Variants in IQUB observed in about 807,000 individuals in gnomAD.
IQUB encodes the protein IQ motif and ubiquitin-like domain-containing protein.
IQUB carries 86 observed loss-of-function variants against 86.4 expected under a neutral mutation model. That is an observed-to-expected ratio of 1.00 (90% CI 0.84 to 1.19). The LOEUF is 1.19. IQUB is among the 50% of genes most tolerant of loss of function. The pLI is 0.00. For synonymous variants in IQUB, 289 were observed against 304.5 expected (o/e 0.95, Z 0.53); for missense variants, 946 against 916.9 (o/e 1.03, Z -0.41).
At chr7:123,512,952 TA>T (rs1227291383) in intron 1 of IQUB, among the ~76,000 whole-genome samples, 2 of 152,218 alleles carry the variant, frequency 1.3e-5, no homozygotes, top group African/African-American at 2.4e-5. Context: ...TGGGCCAGGA[TA>T]GTCCAAGGCA....
intron 3 of IQUB, among the ~76,000 whole-genome samples, chr7:123,509,124 CATT>C (rs1796310753): frequency 6.6e-6 from 1 of 152,004 alleles, no homozygotes; most frequent in Non-Finnish European, 1.5e-5. Flanking sequence ...TTTGTGGCAT[CATT>C]ATAAGTCAAT....
chr7:123,515,253 GC>G (rs1006995971), intron 1 of IQUB, among the ~76,000 whole-genome samples: 3 of 152,040 alleles, frequency 2.0e-5, no homozygotes, highest in African/African-American at 7.2e-5. Flanking sequence ...CCCCAAACTA[GC>G]CAAGATGGTA....
At chr7:123,468,079 T>C (rs1402131295) in intron 9 of IQUB, among the ~76,000 whole-genome samples, 1 of 152,158 alleles carries the variant, frequency 6.6e-6, no homozygotes, top group Admixed American at 6.5e-5. Flanking sequence ...ACCCAGGTAA[T>C]GGGCATTTCT....
chr7:123,454,327 G>A (rs974456582), intron 12 of IQUB, among the ~76,000 whole-genome samples: 1 of 151,986 alleles, frequency 6.6e-6, no homozygotes, highest in African/African-American at 2.4e-5. Context: ...TATGATATAT[G>A]TGTTCAAGGC....
chr7:123,505,342 G>A (rs1006380894), intron 3 of IQUB, among the ~76,000 whole-genome samples: 7 of 152,188 alleles, frequency 4.6e-5, no homozygotes, highest in Admixed American at 3.3e-4. Context: ...TGCCACAGTG[G>A]GCACTCTGTG....
chr7:123,493,743 G>A (rs1795588274), intron 7 of IQUB, among the ~76,000 whole-genome samples: 1 of 149,800 alleles, frequency 6.7e-6, no homozygotes, highest in East Asian at 2.0e-4. Context: ...GTGTGTGTGT[G>A]TGTGTGTGTG....
intron 8 of IQUB, among the ~76,000 whole-genome samples, chr7:123,476,633 T>C (rs1018290319): frequency 1.3e-5 from 2 of 151,504 alleles, no homozygotes; most frequent in African/African-American, 4.9e-5. Context: ...AGCAGCTCAA[T>C]TTGGAAACAT....
At chr7:123,514,650 T>C (rs1307390095) in intron 1 of IQUB, among the ~76,000 whole-genome samples, 1 of 152,228 alleles carries the variant, frequency 6.6e-6, no homozygotes, top group Non-Finnish European at 1.5e-5. Context: ...GTTACATTAA[T>C]ATATTGTGTA....
intron 1 of IQUB, among the ~76,000 whole-genome samples, chr7:123,522,955 T>C (rs1039664058): frequency 6.0e-5 from 9 of 148,978 alleles, no homozygotes; most frequent in Non-Finnish European, 3.0e-5. Context: ...TATGCGGTGT[T>C]TGGTTTTTTG....
rs1796802495 is a variant in IQUB at position 123,519,485 on chromosome 7, T to G, written c.-4-7141A>C. Among the ~76,000 whole-genome samples the G allele has an allele frequency of 2.0e-5, 3 of 152,370 alleles. No homozygotes were observed. The South Asian group carries it at 6.2e-4, about 32-fold the overall frequency. On this transcript the variant is annotated intron_variant, in intron 1 of 12. Transcript: ENST00000324698. ...TAAGCCATAAAAAAGAATGAAATTA[T>G]GTCATTTGCAACAACATGGGTGAAA...
At position 123,457,470 on chromosome 7, in the gene IQUB, T is replaced by C. The variant is rs775447651; in HGVS notation, c.2104A>G (p.Asn702Asp). The C allele has an allele frequency of 3.7e-6, 6 of 1,611,702 alleles. No homozygotes were observed. In the South Asian group the frequency reaches 6.6e-5, roughly 18 times the overall value. ...NLSDLVMVRW[N>D]KSLEWSPWNC... Reference sequence around the variant, plus strand: ...CAGGGGGACCACTCCAGGGATTTATTCCATCTGACCATGACCAGATCACTG... The same window carrying C: ...CAGGGGGACCACTCCAGGGATTTATCCCATCTGACCATGACCAGATCACTG... The change falls in exon 12 of 13, where the codon AAT (asparagine) becomes GAT (aspartate). Residue 702 changes from asparagine (N) to aspartate (D), a missense_variant. Coordinates refer to ENST00000324698, the MANE Select transcript of IQUB (RefSeq NM_178827.5).
chr7:123,512,156 T>C lies in IQUB; in HGVS notation c.185A>G (p.Glu62Gly), dbSNP rs150045050. 148 of 1,614,050 alleles carry C rather than the reference T, an allele frequency of 9.2e-5. 1 individual carries two copies. The African/African-American group carries it at 1.8e-3, about 20-fold the overall frequency. Residue 62 changes from glutamate to glycine, a missense_variant, in exon 2 of 13, where the codon GAG becomes GGG. Physicochemically the swap from Glu to Gly is moderately conservative, Grantham distance 98. Transcript: ENST00000324698. ...GCTTGAAAAGCTTTGGTCACTCTGC[T>C]CCTCAACATGTATTGCATGGCTCTC... Reference protein sequence around the residue: ...FSESHAIHVEEQSDQSFSSLE... With the variant: ...FSESHAIHVEGQSDQSFSSLE...
intron 1 of IQUB, among the ~76,000 whole-genome samples, chr7:123,530,768 C>G (rs1210915920): frequency 6.6e-6 from 1 of 150,716 alleles, no homozygotes; most frequent in Non-Finnish European, 1.5e-5. Context: ...ACTCCACCTC[C>G]CAGATTCAAG....
At chr7:123,457,595 A>T (rs1429620027) in intron 11 of IQUB, 29 bp from the exon 12 acceptor site, 1 of 1,527,704 alleles carries the variant, frequency 6.5e-7, no homozygotes, top group South Asian at 1.2e-5. Flanking sequence ...TTTAAAAACA[A>T]TGTAGTTTAA....
intron 9 of IQUB, among the ~76,000 whole-genome samples, chr7:123,466,077 A>G (rs1182973453): frequency 6.6e-6 from 1 of 152,048 alleles, no homozygotes; most frequent in Non-Finnish European, 1.5e-5. Context: ...ATGTGTGTGT[A>G]TATATATCTA....
In IQUB at chr7:123,464,974, T is replaced by C; in HGVS notation, c.1617A>G (p.Glu539=). 6.3e-7 allele frequency: 1 copy of C among 1,595,648 alleles called. No individual in the cohort carries two copies. Among genetic ancestry groups the C allele is most frequent in the Non-Finnish European group, 8.5e-7 (1 of 1,172,026 alleles). ...HECKLTQEIL[E]LIDREVDLMM... is the part of the protein sequence containing the mutation. ...TAAGGTCAACCTCTCTGTCAATCAA[T>C]TCTAGAATTTCCTGAGTTAGTTTAC... Residue 539 remains glutamate (E), a synonymous_variant, in exon 10 of 13, where the codon GAA becomes GAG. Transcript: ENST00000324698.
intron 8 of IQUB, among the ~76,000 whole-genome samples, chr7:123,475,360 T>C (rs1437357495): frequency 6.9e-6 from 1 of 145,896 alleles, no homozygotes; most frequent in East Asian, 2.1e-4. Flanking sequence ...AATTTTAAAA[T>C]TTCTCCATTT....
intron 8 of IQUB, among the ~76,000 whole-genome samples, chr7:123,475,444 G>C (rs914801375): frequency 6.7e-6 from 1 of 148,772 alleles, no homozygotes; most frequent in Non-Finnish European, 1.5e-5. Context: ...TCATGAGAAA[G>C]GGTAGTGGTC....
At chr7:123,491,204 A>G (rs1795445212) in intron 7 of IQUB, among the ~76,000 whole-genome samples, 3 of 152,200 alleles carry the variant, frequency 2.0e-5, no homozygotes, top group Admixed American at 2.0e-4. Context: ...AAATGTGAGG[A>G]TGCAGCTGAA....
Sources: allele counts gnomAD v4.1 joint callset (sites outside exome capture counted in the v4.1 genomes callset), GRCh38; gene constraint gnomAD v4.1.1; transcripts MANE v1.5; gene names NCBI Gene and HGNC (gene_info 2026-07-23, HGNC 2026-07-21).